RAB3C: variants seen among roughly 807,000 people sequenced by gnomAD.
RAB3C encodes ras-related protein Rab-3C.
A neutral mutation model predicts 26.4 loss-of-function variants in RAB3C; 17 were observed. The ratio of observed to expected loss-of-function variants is 0.64; its 90% CI spans 0.44 to 0.97. The LOEUF is 0.97. Among genes scored for constraint, RAB3C ranks in the 50% least tolerant of loss-of-function variants. The pLI is 0.00. For synonymous variants in RAB3C, 91 were observed against 95.9 expected, an observed-to-expected ratio of 0.95 and a Z score of 0.30; for missense variants, 242 against 281.9, an observed-to-expected ratio of 0.86 and a Z score of 1.01.
intron 4 of RAB3C, among the ~76,000 whole-genome samples, chr5:58,850,015 A>G (rs1210882503): frequency 6.6e-6 from 1 of 152,216 alleles, no homozygotes; most frequent in Admixed American, 6.5e-5. Flanking sequence ...TTCAGAATGG[A>G]TTAGAAAAGC....
intron 4 of RAB3C, among the ~76,000 whole-genome samples, chr5:58,850,166 T>C (rs1744084872): frequency 6.6e-6 from 1 of 151,898 alleles, no homozygotes. Flanking sequence ...AACAATAGAG[T>C]GATAAGACTG....
chr5:58,823,701 G>A (rs955539352), intron 3 of RAB3C: 12 of 200,054 alleles, frequency 6.0e-5, no homozygotes, highest in Middle Eastern at 2.9e-3. Flanking sequence ...TCAGGAGCAG[G>A]CTCTGAGAGC....
intron 2 of RAB3C, among the ~76,000 whole-genome samples, chr5:58,709,107 C>G (rs1005819419): frequency 2.0e-5 from 3 of 152,146 alleles, no homozygotes; most frequent in African/African-American, 7.2e-5. Flanking sequence ...GTAATAACTT[C>G]TGGAAATTTG....
intron 1 of RAB3C, among the ~76,000 whole-genome samples, chr5:58,617,141 A>C (rs1746840837): frequency 6.6e-6 from 1 of 152,120 alleles, no homozygotes; most frequent in African/African-American, 2.4e-5. Context: ...ACTGCCCTTT[A>C]TGTTAGGATG....
In RAB3C at chr5:58,646,505, C is replaced by T. The variant is rs115459221; in HGVS notation, c.252+28635C>T. 6.9e-3 allele frequency among the ~76,000 whole-genome samples: 1,042 copies of T among 152,052 alleles called. 21 individuals carry two copies. The highest frequency in any genetic ancestry group is 0.023 in the African/African-American group (969 of 41,444). ...CGCAAGCTTCACACCAGTAACCCAC[C>T]GAGCAAAGTACAATGTTCTCTCTAG... On this transcript the variant is annotated intron_variant, in intron 2 of 4. Coordinates refer to ENST00000282878, the MANE Select transcript of RAB3C (RefSeq NM_138453.4).
chr5:58,606,456 G>A (rs1269619606), intron 1 of RAB3C, among the ~76,000 whole-genome samples: 1 of 152,210 alleles, frequency 6.6e-6, no homozygotes. Context: ...CTCCCCCTCT[G>A]TGGGCAGGGC....
chr5:58,751,083 G>T (rs1741513763), intron 3 of RAB3C, among the ~76,000 whole-genome samples: 2 of 152,186 alleles, frequency 1.3e-5, no homozygotes, highest in East Asian at 3.9e-4. Flanking sequence ...CGAACTCCAG[G>T]CCTCAAGTGA....
chr5:58,785,599 A>G (rs555540201), intron 3 of RAB3C, among the ~76,000 whole-genome samples: 2 of 152,288 alleles, frequency 1.3e-5, no homozygotes, highest in African/African-American at 4.8e-5. Context: ...CAAGATCCCA[A>G]GTGATGCTGT....
intron 3 of RAB3C, among the ~76,000 whole-genome samples, chr5:58,797,924 TA>T (rs551499588): frequency 2.7e-4 from 41 of 152,308 alleles, no homozygotes; most frequent in African/African-American, 8.7e-4. Flanking sequence ...ATTAGCATTA[TA>T]AATAATAGAG....
At chr5:58,782,939 T>G (rs570475095) in intron 3 of RAB3C, among the ~76,000 whole-genome samples, 2 of 150,602 alleles carry the variant, frequency 1.3e-5, no homozygotes, top group South Asian at 4.2e-4. Context: ...CATAATGTTA[T>G]TTTTTTTTTA....
rs1744318449 is a variant in RAB3C, at chr5:58,858,718, T to C, written c.*7367T>C. ...CTATCAGCTATAGATCATTGTTTTC[T>C]TAAGACAGCCAAACTGGCCCTTTGA... On this transcript the variant is annotated 3_prime_UTR_variant, in exon 5 of 5. Coordinates refer to ENST00000282878, the MANE Select transcript of RAB3C (RefSeq NM_138453.4). 1 of 152,224 alleles carries C rather than the reference T, an allele frequency of 6.6e-6. No individual in the cohort carries two copies. The highest frequency in any genetic ancestry group is 2.4e-5 in the African/African-American group (1 of 41,470). The allele number at this position is 152,224 out of a possible 1,614,324, so 9.4% of individuals were successfully genotyped here. A position where few individuals can be genotyped will look rare whatever the true frequency, so the allele number is the denominator to read the frequency against.
chr5:58,678,622 A>G (rs2111836571), intron 2 of RAB3C, among the ~76,000 whole-genome samples: 1 of 152,278 alleles, frequency 6.6e-6, no homozygotes, highest in Non-Finnish European at 1.5e-5. Flanking sequence ...TTTTAGAAAC[A>G]AACAGTTTTT....
At chr5:58,735,462 C>T (rs1040165218) in intron 3 of RAB3C, among the ~76,000 whole-genome samples, 2 of 152,180 alleles carry the variant, frequency 1.3e-5, no homozygotes, top group Non-Finnish European at 2.9e-5. Context: ...TTTTTCACCA[C>T]GTCTACTGCA....
chr5:58,798,512 G>C (rs1320807555), intron 3 of RAB3C, among the ~76,000 whole-genome samples: 1 of 151,954 alleles, frequency 6.6e-6, no homozygotes, highest in Admixed American at 6.6e-5. Flanking sequence ...ATCCAAAAGA[G>C]GACCAACATG....
intron 3 of RAB3C, among the ~76,000 whole-genome samples, chr5:58,761,063 T>TCTCTCA (rs370091627): frequency 4.8e-5 from 7 of 144,820 alleles, no homozygotes; most frequent in South Asian, 4.6e-4. Context: ...TCTCTCTCTC[T>TCTCTCA]CACACACACA....
At chr5:58,641,188 T>C (rs1463028179) in intron 2 of RAB3C, among the ~76,000 whole-genome samples, 5 of 152,108 alleles carry the variant, frequency 3.3e-5, no homozygotes, top group Non-Finnish European at 7.3e-5. Flanking sequence ...AGAATGGAGG[T>C]GTGCTATGTG....
chr5:58,686,685 CACACACAT>C (rs1001894978), intron 2 of RAB3C, among the ~76,000 whole-genome samples: 10 of 147,970 alleles, frequency 6.8e-5, no homozygotes, highest in Admixed American at 2.7e-4. Context: ...CACATACACA[CACACACAT>C]ACACACACAC....
intron 3 of RAB3C, among the ~76,000 whole-genome samples, chr5:58,802,008 C>T (rs1346343406): frequency 6.6e-6 from 1 of 152,204 alleles, no homozygotes; most frequent in Non-Finnish European, 1.5e-5. Context: ...GAACATTTAG[C>T]ACTGACATAC....
chr5:58,628,116 C>G (rs1747099448), intron 2 of RAB3C, among the ~76,000 whole-genome samples: 1 of 127,292 alleles, frequency 7.9e-6, no homozygotes, highest in Non-Finnish European at 1.5e-5. Flanking sequence ...GAGATCGTAC[C>G]ACTGCACTCC....
Sources: gnomAD v4.1 joint callset for allele counts (sites outside exome capture counted in the v4.1 genomes callset) on GRCh38, gnomAD v4.1.1 for gene constraint, MANE v1.5 for transcripts, NCBI Gene and HGNC (gene_info 2026-07-23, HGNC 2026-07-21) for gene names.